Variants in ZNF407 observed in about 807,000 individuals in gnomAD.
ZNF407 encodes zinc finger protein 407.
A neutral mutation model predicts 131.2 loss-of-function variants in ZNF407; 17 were observed. The observed-to-expected ratio is 0.13, with a 90% confidence interval of 0.09 to 0.19. The LOEUF (loss-of-function observed/expected upper bound fraction) is 0.19. Among genes scored for constraint, ZNF407 ranks in the 10% least tolerant of loss-of-function variants. The pLI is 1.00. For missense variants in ZNF407, 2,681 were observed against 2,830.6 expected (o/e 0.95, Z 1.20); for synonymous variants, 1,156 against 1,062.0 (o/e 1.09, Z -1.72).
At chr18:74,994,541 A>G (rs187181935) in intron 8 of ZNF407, among the ~76,000 whole-genome samples, 27 of 151,860 alleles carry the variant, frequency 1.8e-4, no homozygotes, top group African/African-American at 6.3e-4. Context: ...TAAAGCAAAC[A>G]GTCAGGAAGG....
At chr18:74,836,023 A>G (rs75960505) in intron 4 of ZNF407, among the ~76,000 whole-genome samples, 1 of 151,696 alleles carries the variant, frequency 6.6e-6, no homozygotes, top group Non-Finnish European at 1.5e-5. Flanking sequence ...AAAAAAAAAA[A>G]AGAGGCAGGA....
chr18:74,798,772 A>G (rs1969968322), intron 4 of ZNF407, among the ~76,000 whole-genome samples: 1 of 152,124 alleles, frequency 6.6e-6, no homozygotes, highest in South Asian at 2.1e-4. Flanking sequence ...TTTTGTAACT[A>G]GGGAAAGATG....
chr18:75,017,551 A>G (rs954096070), intron 8 of ZNF407, among the ~76,000 whole-genome samples: 3 of 152,138 alleles, frequency 2.0e-5, no homozygotes, highest in Non-Finnish European at 4.4e-5. Context: ...CCATTCCTCA[A>G]GGTGATTAAC....
chr18:74,849,238 C>G (rs1373681811), intron 4 of ZNF407, among the ~76,000 whole-genome samples: 1 of 151,562 alleles, frequency 6.6e-6, no homozygotes, highest in Non-Finnish European at 1.5e-5. Flanking sequence ...GCCACAACAC[C>G]CAGATAATTT....
At chr18:74,759,864 C>T (rs1969054127) in intron 3 of ZNF407, among the ~76,000 whole-genome samples, 1 of 146,684 alleles carries the variant, frequency 6.8e-6, no homozygotes, top group South Asian at 2.1e-4. Flanking sequence ...GTCTAGCAGT[C>T]TTATCTGGGA....
chr18:74,725,059 G>T (rs1255992758), intron 3 of ZNF407, among the ~76,000 whole-genome samples: 4 of 152,208 alleles, frequency 2.6e-5, no homozygotes, highest in Non-Finnish European at 5.9e-5. Flanking sequence ...TGTCACGCAT[G>T]TTCCTACAGT....
intron 4 of ZNF407, among the ~76,000 whole-genome samples, chr18:74,843,221 C>T (rs951771782): frequency 6.6e-6 from 1 of 152,056 alleles, no homozygotes; most frequent in Non-Finnish European, 1.5e-5. Flanking sequence ...TTTTTGAGTG[C>T]TTCCTGCTTC....
At chr18:75,032,750 G>C (rs1360034891) in intron 8 of ZNF407, among the ~76,000 whole-genome samples, 2 of 147,330 alleles carry the variant, frequency 1.4e-5, no homozygotes, top group African/African-American at 5.1e-5. Flanking sequence ...GATAGCATTA[G>C]ATAACTAAGA....
intron 4 of ZNF407, among the ~76,000 whole-genome samples, chr18:74,848,249 G>A (rs548725813): frequency 2.6e-5 from 4 of 152,226 alleles, no homozygotes; most frequent in Admixed American, 1.3e-4. Flanking sequence ...TGCTTGTTGC[G>A]CCACATTTCT....
chr18:74,900,476 C>T (rs1447436312), intron 7 of ZNF407, among the ~76,000 whole-genome samples: 1 of 152,206 alleles, frequency 6.6e-6, no homozygotes, highest in Non-Finnish European at 1.5e-5. Context: ...ACATGTGGAG[C>T]GTTCTTACAG....
chr18:74,687,626 A>G (rs1267399802), intron 3 of ZNF407, among the ~76,000 whole-genome samples: 1 of 152,224 alleles, frequency 6.6e-6, no homozygotes, highest in African/African-American at 2.4e-5. Flanking sequence ...TTAAACAAAG[A>G]TAATTCAAGC....
At chr18:74,617,091 GCACCAACACATCCATATCCACA>G (rs1983340347) in intron 1 of ZNF407, among the ~76,000 whole-genome samples, 4 of 282 alleles carry the variant, frequency 0.014, no homozygotes, top group Admixed American at 0.038. Context: ...CCATATCCAT[GCACCAACACATCCATATCCACA>G]CACCACACAC....
Position 74,750,675 on chromosome 18 carries a change from C to T in ZNF407, c.4803-30753C>T, listed in dbSNP as rs994215880. On this transcript the variant is annotated intron_variant, in intron 3 of 8. Transcript: ENST00000299687. ...ATATTATGACTAACGGTGCTGTGAA[C>T]GTTTCTGCACAGATTTTTGAGTGGA... is the stretch of plus-strand genomic sequence containing the variant. 4.6e-5 allele frequency among the ~76,000 whole-genome samples: 7 copies of T among 152,240 alleles called. No individual in the cohort carries two copies. In the East Asian group the frequency reaches 1.2e-3, roughly 25 times the overall value.
At chr18:74,794,917 G>GT (rs1489186050) in intron 4 of ZNF407, among the ~76,000 whole-genome samples, 1 of 152,076 alleles carries the variant, frequency 6.6e-6, no homozygotes, top group African/African-American at 2.4e-5. Flanking sequence ...CTTTTAGGAT[G>GT]TTTTTTGATG....
intron 8 of ZNF407, among the ~76,000 whole-genome samples, chr18:75,039,713 C>G (rs1272571915): frequency 1.6e-5 from 2 of 127,222 alleles, no homozygotes; most frequent in African/African-American, 5.9e-5. Context: ...AGCACAGGGG[C>G]CAAGCTTTTT....
intron 4 of ZNF407, 38 bp downstream of exon 4, chr18:74,781,540 T>A: frequency 1.4e-6 from 2 of 1,434,646 alleles, no homozygotes; most frequent in Non-Finnish European, 1.9e-6. Flanking sequence ...AAAAATACAA[T>A]TTGATTTTTA....
intron 7 of ZNF407, among the ~76,000 whole-genome samples, chr18:74,916,146 C>T (rs1425139388): frequency 6.4e-4 from 14 of 22,000 alleles, no homozygotes; most frequent in African/African-American, 8.5e-4. Flanking sequence ...TGTGTGCATG[C>T]ATGTGTGTGC....
At chr18:75,006,756 C>T (rs1280866000) in intron 8 of ZNF407, among the ~76,000 whole-genome samples, 1 of 152,160 alleles carries the variant, frequency 6.6e-6, no homozygotes, top group Non-Finnish European at 1.5e-5. Context: ...TATATCCTCA[C>T]TAATTTGTCT....
chr18:74,988,469 GATAT>G (rs975595564), intron 8 of ZNF407, among the ~76,000 whole-genome samples: 1 of 149,574 alleles, frequency 6.7e-6, no homozygotes, highest in African/African-American at 2.4e-5. Context: ...AAAGAGAAAA[GATAT>G]ATATATATAG....
Sources: gnomAD v4.1 joint callset for allele counts (sites outside exome capture counted in the v4.1 genomes callset) on GRCh38, gnomAD v4.1.1 for gene constraint, MANE v1.5 for transcripts, NCBI Gene and HGNC (gene_info 2026-07-23, HGNC 2026-07-21) for gene names.